The following LRP1B variants were observed in gnomAD, a reference collection of about 807,000 sequenced individuals.
LRP1B encodes the protein low-density lipoprotein receptor-related protein 1B.
LRP1B carries 217 observed loss-of-function variants against 556.6 expected under a neutral mutation model. The ratio of observed to expected loss-of-function variants is 0.39; its 90% CI spans 0.35 to 0.44. The LOEUF is 0.44. LRP1B is among the 20% of genes least tolerant of loss of function. The pLI, the probability that LRP1B is intolerant of heterozygous loss-of-function variation, is 1.00. For synonymous variants in LRP1B, 2,047 were observed against 1,865.8 expected (o/e 1.10, Z -2.50); for missense variants, 5,053 against 5,620.8 (o/e 0.90, Z 3.23).
chr2:141,755,075 A>G (rs906455501), intron 2 of LRP1B, among the ~76,000 whole-genome samples: 1 of 152,152 alleles, frequency 6.6e-6, no homozygotes, highest in Non-Finnish European at 1.5e-5. Context: ...TGGTTGCAAT[A>G]GGATCATTCC....
At chr2:140,938,463 T>C (rs1328853471) in intron 20 of LRP1B, among the ~76,000 whole-genome samples, 2 of 152,218 alleles carry the variant, frequency 1.3e-5, no homozygotes, top group East Asian at 1.9e-4. Context: ...CTGTAGTAAG[T>C]AGAAATGCCT....
At chr2:140,964,278 G>A (rs571225547) in intron 18 of LRP1B, among the ~76,000 whole-genome samples, 2 of 152,288 alleles carry the variant, frequency 1.3e-5, no homozygotes, top group African/African-American at 4.8e-5. Flanking sequence ...AGGTGGACTA[G>A]GAGCGTGACC....
chr2:142,066,048 T>G (rs2104901698), intron 1 of LRP1B, among the ~76,000 whole-genome samples: 2 of 151,344 alleles, frequency 1.3e-5, no homozygotes, highest in African/African-American at 2.4e-5. Flanking sequence ...AAGTGTGAAA[T>G]GAAAGGGAAA....
chr2:140,751,568 A>G (rs1383693140), intron 35 of LRP1B, among the ~76,000 whole-genome samples: 3 of 152,210 alleles, frequency 2.0e-5, no homozygotes, highest in Non-Finnish European at 4.4e-5. Context: ...AAGAAAAATA[A>G]TATTTTAATA....
At chr2:140,937,830 A>G (rs1559205694) in intron 20 of LRP1B, among the ~76,000 whole-genome samples, 1 of 152,056 alleles carries the variant, frequency 6.6e-6, no homozygotes, top group Non-Finnish European at 1.5e-5. Flanking sequence ...CTATGCTTAA[A>G]TATGTAATCT....
chr2:141,777,819 T>C (rs16847151), intron 2 of LRP1B, among the ~76,000 whole-genome samples: 15,253 of 152,196 alleles, frequency 0.1, 1,136 homozygotes, highest in African/African-American at 0.2. Flanking sequence ...CTATTGAGGC[T>C]AAAGACTTGA....
chr2:141,000,651 T>A (rs1047618145), intron 15 of LRP1B, among the ~76,000 whole-genome samples: 1 of 152,104 alleles, frequency 6.6e-6, no homozygotes, highest in African/African-American at 2.4e-5. Context: ...CGCAGAGGAC[T>A]GATTCGTAAC....
intron 43 of LRP1B, among the ~76,000 whole-genome samples, chr2:140,595,544 A>T (rs1682407866): frequency 1.3e-5 from 2 of 152,178 alleles, no homozygotes; most frequent in African/African-American, 4.8e-5. Flanking sequence ...TTCCTCAACT[A>T]GATATGGGGA....
intron 35 of LRP1B, among the ~76,000 whole-genome samples, chr2:140,758,223 C>A (rs1688802777): frequency 6.6e-6 from 1 of 151,766 alleles, no homozygotes; most frequent in Non-Finnish European, 1.5e-5. Context: ...ATAATGTATT[C>A]CTATTAAAAT....
At chr2:141,481,704 C>T in intron 2 of LRP1B, among the ~76,000 whole-genome samples, 1 of 152,132 alleles carries the variant, frequency 6.6e-6, no homozygotes, top group Admixed American at 6.6e-5. Context: ...TGTAGCATAG[C>T]AGAGTGCTTA....
intron 2 of LRP1B, among the ~76,000 whole-genome samples, chr2:141,496,094 C>T (rs1464508401): frequency 6.6e-6 from 1 of 151,890 alleles, no homozygotes; most frequent in Non-Finnish European, 1.5e-5. Flanking sequence ...AGAATAATGT[C>T]GATATTTTGA....
rs928247347 is a variant in LRP1B at position 141,601,894 on chromosome 2, G to A, written c.206-121361C>T. 3.3e-5 allele frequency among the ~76,000 whole-genome samples: 5 copies of A among 151,982 alleles called. No individual in the cohort carries two copies. In the East Asian group the frequency reaches 5.8e-4, roughly 18 times the overall value. ...TGGGATTATGGGCATGAGCCACCGC[G>A]TCCGGCCTTAGCATTATTTTCTTAA... is the stretch of plus-strand genomic sequence containing the variant. On this transcript the variant is annotated intron_variant, in intron 2 of 90. Transcript: ENST00000389484.
At chr2:142,074,567 C>A (rs562714459) in intron 1 of LRP1B, among the ~76,000 whole-genome samples, 1 of 152,126 alleles carries the variant, frequency 6.6e-6, no homozygotes, top group African/African-American at 2.4e-5. Flanking sequence ...CTCTGTAGAA[C>A]TCCTGTGGGA....
chr2:141,472,470 G>A (rs915091332), intron 3 of LRP1B, among the ~76,000 whole-genome samples: 1 of 152,144 alleles, frequency 6.6e-6, no homozygotes, highest in African/African-American at 2.4e-5. Context: ...AACCCCGGAG[G>A]TGGAGGTTGC....
At chr2:140,760,213 C>T (rs1688867395) in intron 35 of LRP1B, among the ~76,000 whole-genome samples, 1 of 152,166 alleles carries the variant, frequency 6.6e-6, no homozygotes, top group Non-Finnish European at 1.5e-5. Flanking sequence ...TCAGAATCAC[C>T]TAAAATAATC....
At chr2:141,156,655 C>T (rs990315464) in intron 7 of LRP1B, among the ~76,000 whole-genome samples, 2 of 151,246 alleles carry the variant, frequency 1.3e-5, no homozygotes, top group Non-Finnish European at 2.9e-5. Flanking sequence ...CAAACTTCAA[C>T]TCTGAGCAGG....
intron 86 of LRP1B, among the ~76,000 whole-genome samples, chr2:140,266,467 G>A (rs1243566984): frequency 6.6e-6 from 1 of 151,940 alleles, no homozygotes; most frequent in Non-Finnish European, 1.5e-5. Flanking sequence ...TGGTATTTCT[G>A]AGGGTTCCAA....
chr2:141,648,927 A>G (rs1689683084), intron 2 of LRP1B, among the ~76,000 whole-genome samples: 1 of 152,246 alleles, frequency 6.6e-6, no homozygotes. Flanking sequence ...AATTCTGCTT[A>G]TAGCATTTAA....
chr2:141,346,213 C>A (rs886617520), intron 3 of LRP1B, among the ~76,000 whole-genome samples: 2 of 151,660 alleles, frequency 1.3e-5, no homozygotes, highest in African/African-American at 4.8e-5. Flanking sequence ...AATAGATGAT[C>A]CTAGTGATTT....
Sources: allele counts gnomAD v4.1 joint callset (sites outside exome capture counted in the v4.1 genomes callset), GRCh38; gene constraint gnomAD v4.1.1; transcripts MANE v1.5; gene names NCBI Gene and HGNC (gene_info 2026-07-23, HGNC 2026-07-21).